Variants in CRCP observed in about 807,000 individuals in gnomAD.
CRCP encodes the protein DNA-directed RNA polymerase III subunit RPC9.
Under a neutral mutation model 18.5 loss-of-function variants are expected in CRCP, and 18 were observed. That is an observed-to-expected ratio of 0.97 (90% CI 0.67 to 1.44). CRCP has a LOEUF of 1.44. Among genes scored for constraint, CRCP ranks in the 40% most tolerant of loss-of-function variants. The pLI, the probability that CRCP is intolerant of heterozygous loss-of-function variation, is 0.00. For missense variants in CRCP, 130 were observed against 176.4 expected (o/e 0.74, Z 1.49); for synonymous variants, 53 against 62.9 (o/e 0.84, Z 0.75).
In CRCP at chr7:66,127,619, A is replaced by G. The variant is rs1038566579; in HGVS notation, c.9-85A>G. 1.2e-5 allele frequency: 18 copies of G among 1,477,016 alleles called. No homozygotes were observed. In the African/African-American group the frequency reaches 1.7e-4, roughly 14 times the overall value. The allele number at this position is 1,477,016 out of a possible 1,614,324, so 91.5% of individuals were successfully genotyped here. ...CTAAATTCAAAAAGTGGACTACTGT[A>G]TCTTGACAGGAATTCTTTTACAGAA... On this transcript the variant is annotated intron_variant, in intron 1 of 5. Coordinates refer to ENST00000395326, the MANE Select transcript of CRCP (RefSeq NM_014478.5).
chr7:66,122,976 A>G (rs1301073218), intron 1 of CRCP, among the ~76,000 whole-genome samples: 6 of 133,578 alleles, frequency 4.5e-5, no homozygotes, highest in Non-Finnish European at 7.8e-5. Context: ...TTTTTTTGAG[A>G]TGGAGTCTCG....
intron 1 of CRCP, among the ~76,000 whole-genome samples, chr7:66,115,281 G>A (rs1294141254): frequency 1.3e-5 from 2 of 152,172 alleles, no homozygotes. Flanking sequence ...CAGTGCGGGG[G>A]TGGAGCCCAG....
chr7:66,118,044 A>G (rs1787324319), intron 1 of CRCP, among the ~76,000 whole-genome samples: 1 of 152,166 alleles, frequency 6.6e-6, no homozygotes, highest in Admixed American at 6.5e-5. Context: ...CAGTGGCGCA[A>G]TGTCAGCTCA....
intron 3 of CRCP, among the ~76,000 whole-genome samples, chr7:66,132,933 A>ATAAGATGAAAGGACTTACC (rs907745068): frequency 2.0e-5 from 3 of 151,788 alleles, no homozygotes; most frequent in Non-Finnish European, 4.4e-5. Context: ...AAATAAATAA[A>ATAAGATGAAAGGACTTACC]TAAGATGAAA....
intron 1 of CRCP, among the ~76,000 whole-genome samples, chr7:66,117,128 A>C (rs1448009048): frequency 6.6e-6 from 1 of 151,930 alleles, no homozygotes; most frequent in Non-Finnish European, 1.5e-5. Context: ...AAAAAAAAAA[A>C]AAAAAAAAAC....
At chr7:66,149,335 G>A (rs1053857983) in intron 5 of CRCP, among the ~76,000 whole-genome samples, 1 of 152,046 alleles carries the variant, frequency 6.6e-6, no homozygotes, top group Non-Finnish European at 1.5e-5. Context: ...ACCAGCCTGG[G>A]CAACCCCATC....
At chr7:66,140,060 G>A (rs548089307) in intron 4 of CRCP, among the ~76,000 whole-genome samples, 1 of 152,374 alleles carries the variant, frequency 6.6e-6, no homozygotes, top group East Asian at 1.9e-4. Flanking sequence ...ACTCTGGACA[G>A]CAAGGGCTCC....
intron 1 of CRCP, among the ~76,000 whole-genome samples, chr7:66,115,817 T>G (rs980292756): frequency 6.6e-5 from 10 of 152,228 alleles, no homozygotes; most frequent in Non-Finnish European, 1.5e-4. Flanking sequence ...TAATTAATTG[T>G]TTTTTCTTAA....
chr7:66,143,590 T>A (rs1788201761), intron 4 of CRCP, among the ~76,000 whole-genome samples: 1 of 152,066 alleles, frequency 6.6e-6, no homozygotes, highest in South Asian at 2.1e-4. Context: ...GAGTAAACAT[T>A]TGGGGGATTA....
chr7:66,133,373 T>TGGC (rs1787867361), intron 3 of CRCP, among the ~76,000 whole-genome samples: 1 of 151,878 alleles, frequency 6.6e-6, no homozygotes, highest in Non-Finnish European at 1.5e-5. Context: ...CCGGGCGTGG[T>TGGC]GGCAGGCGCC....
At chr7:66,124,849 A>C (rs972524660) in intron 1 of CRCP, among the ~76,000 whole-genome samples, 1 of 149,258 alleles carries the variant, frequency 6.7e-6, no homozygotes, top group African/African-American at 2.4e-5. Context: ...AAACTTAGCG[A>C]TGATAATCTA....
intron 2 of CRCP, chr7:66,130,123 T>TTG (rs1554333068): frequency 3.1e-6 from 1 of 318,488 alleles, no homozygotes; most frequent in Non-Finnish European, 5.9e-6. Flanking sequence ...TTTTTTTTTT[T>TTG]CAGATGGAGT....
In CRCP at chr7:66,152,505, A is replaced by G. The variant is rs748143716; in HGVS notation, c.*148A>G. 1.2e-6 allele frequency: 1 copy of G among 827,802 alleles called. No individual in the cohort carries two copies. The highest frequency in any genetic ancestry group is 1.8e-6 in the Non-Finnish European group (1 of 544,858). The allele number at this position is 827,802 out of a possible 1,614,324, so 51.3% of individuals were successfully genotyped here. A position where few individuals can be genotyped will look rare whatever the true frequency, so the allele number is the denominator to read the frequency against. On this transcript the variant is annotated 3_prime_UTR_variant, in exon 6 of 6. Coordinates refer to ENST00000395326, the MANE Select transcript of CRCP (RefSeq NM_014478.5). Reference sequence around the variant, plus strand: ...TTGGGTACATCACAAAAATAAGTTAAAAAGAAATATTTGTGCCTTGGGGAG... The same window carrying G: ...TTGGGTACATCACAAAAATAAGTTAGAAAGAAATATTTGTGCCTTGGGGAG...
intron 5 of CRCP, among the ~76,000 whole-genome samples, chr7:66,148,083 TG>T (rs1243997774): frequency 6.7e-6 from 1 of 150,300 alleles, no homozygotes; most frequent in East Asian, 2.0e-4. Flanking sequence ...AGCAAATGGC[TG>T]GGCACGGTGG....
intron 1 of CRCP, among the ~76,000 whole-genome samples, chr7:66,121,190 T>C (rs1787430717): frequency 6.6e-6 from 1 of 151,830 alleles, no homozygotes; most frequent in Non-Finnish European, 1.5e-5. Flanking sequence ...TCCTCCTGCC[T>C]GAGCCTACTG....
intron 1 of CRCP, chr7:66,120,720 A>G (rs1265601010): frequency 6.6e-6 from 1 of 152,196 alleles, no homozygotes; most frequent in East Asian, 1.9e-4. Flanking sequence ...CCATATCTGC[A>G]GGTTCCACAT....
chr7:66,144,968 A>G (rs919334876), intron 4 of CRCP, among the ~76,000 whole-genome samples: 2 of 152,084 alleles, frequency 1.3e-5, no homozygotes, highest in Non-Finnish European at 2.9e-5. Flanking sequence ...GGCCAACATG[A>G]TGAAACCCCA....
chr7:66,150,086 G>A (rs540894260), intron 5 of CRCP, among the ~76,000 whole-genome samples: 3 of 151,626 alleles, frequency 2.0e-5, no homozygotes, highest in South Asian at 2.1e-4. Flanking sequence ...GATTACAGGC[G>A]TGAGCCACCG....
chr7:66,134,520 A>G, intron 4 of CRCP, 146 bp downstream of exon 4: 1 of 596,498 alleles, frequency 1.7e-6, no homozygotes, highest in Non-Finnish European at 3.0e-6. Context: ...AAAGTTAGAC[A>G]TAGGGACTAG....
Sources: gnomAD v4.1 joint callset for allele counts (sites outside exome capture counted in the v4.1 genomes callset) on GRCh38, gnomAD v4.1.1 for gene constraint, MANE v1.5 for transcripts, NCBI Gene and HGNC (gene_info 2026-07-23, HGNC 2026-07-21) for gene names.